Variants in RBFOX1 observed in about 807,000 individuals in gnomAD.
RBFOX1 encodes RNA binding protein fox-1 homolog 1.
RBFOX1 carries 8 observed loss-of-function variants against 57.7 expected under a neutral mutation model. That is an observed-to-expected ratio of 0.14 (90% CI 0.08 to 0.25). RBFOX1 has a LOEUF of 0.25. Among genes scored for constraint, RBFOX1 ranks in the 10% least tolerant of loss-of-function variants. RBFOX1 has a pLI of 1.00. For missense variants in RBFOX1, 611 were observed against 548.5 expected (o/e 1.11, Z -1.14); for synonymous variants, 326 against 222.4 (o/e 1.47, Z -4.15).
chr16:6,672,660 T>C (rs1016653486), intron 3 of RBFOX1, among the ~76,000 whole-genome samples: 4 of 152,152 alleles, frequency 2.6e-5, no homozygotes, highest in Non-Finnish European at 5.9e-5. Flanking sequence ...AATGATTCCA[T>C]AGGAAACCTC....
chr16:6,520,003 G>C (rs1024141131), intron 2 of RBFOX1, among the ~76,000 whole-genome samples: 1 of 152,102 alleles, frequency 6.6e-6, no homozygotes, highest in African/African-American at 2.4e-5. Context: ...TCCTTCCTGG[G>C]AGAGACACAA....
At chr16:6,592,990 C>G (rs1473710379) in intron 2 of RBFOX1, among the ~76,000 whole-genome samples, 1 of 152,040 alleles carries the variant, frequency 6.6e-6, no homozygotes, top group African/African-American at 2.4e-5. Context: ...GTCAGGAGTT[C>G]ACGACTAGCC....
chr16:7,613,493 C>T (rs947285483), intron 10 of RBFOX1, among the ~76,000 whole-genome samples: 1 of 152,174 alleles, frequency 6.6e-6, no homozygotes, highest in African/African-American at 2.4e-5. Context: ...GATCACATGA[C>T]TTGATGCTGG....
chr16:6,396,899 A>G (rs1418697037), intron 2 of RBFOX1, among the ~76,000 whole-genome samples: 1 of 152,216 alleles, frequency 6.6e-6, no homozygotes, highest in Non-Finnish European at 1.5e-5. Flanking sequence ...AAAATTTTAG[A>G]ATTACAAATA....
intron 1 of RBFOX1, among the ~76,000 whole-genome samples, chr16:5,249,530 G>C (rs1356116431): frequency 6.6e-6 from 1 of 152,250 alleles, no homozygotes; most frequent in Non-Finnish European, 1.5e-5. Flanking sequence ...CCTGATGTGG[G>C]GGTAAGCCCC....
chr16:5,463,040 G>GA (rs1245274686), intron 1 of RBFOX1, among the ~76,000 whole-genome samples: 1 of 152,188 alleles, frequency 6.6e-6, no homozygotes, highest in Non-Finnish European at 1.5e-5. Flanking sequence ...TTTAAAAAAT[G>GA]AAAGTATTTT....
intron 3 of RBFOX1, among the ~76,000 whole-genome samples, chr16:6,898,597 A>G (rs1328451799): frequency 6.6e-6 from 1 of 152,172 alleles, no homozygotes; most frequent in Non-Finnish European, 1.5e-5. Context: ...CCGTGGGAGT[A>G]ACATAAAAGG....
chr16:6,863,997 T>G (rs2059475022), intron 3 of RBFOX1, among the ~76,000 whole-genome samples: 1 of 151,066 alleles, frequency 6.6e-6, no homozygotes, highest in African/African-American at 2.4e-5. Flanking sequence ...TCCTTTTTTT[T>G]TTTTTTTGTT....
chr16:7,710,343 A>C (rs1309812211), intron 15 of RBFOX1: 10 of 1,262,572 alleles, frequency 7.9e-6, no homozygotes, highest in Non-Finnish European at 9.9e-6. Context: ...AAAATGAGAC[A>C]GTGAAAATCC....
chr16:7,214,001 G>C (rs1237125525), intron 4 of RBFOX1, among the ~76,000 whole-genome samples: 1 of 152,014 alleles, frequency 6.6e-6, no homozygotes, highest in Non-Finnish European at 1.5e-5. Flanking sequence ...TCCTGATGGA[G>C]CAGGTGGGAA....
At chr16:7,292,972 C>G (rs578013206) in intron 4 of RBFOX1, among the ~76,000 whole-genome samples, 17 of 152,190 alleles carry the variant, frequency 1.1e-4, no homozygotes, top group East Asian at 5.8e-4. Context: ...AATTTGTTCT[C>G]TGGCTCTCAA....
At chr16:5,452,732 C>T (rs572608013) in intron 1 of RBFOX1, among the ~76,000 whole-genome samples, 4 of 152,058 alleles carry the variant, frequency 2.6e-5, no homozygotes, top group African/African-American at 9.6e-5. Flanking sequence ...CAACCTCCGC[C>T]TCCTAGGTTC....
chr16:7,449,966 C>T (rs556854540), intron 4 of RBFOX1, among the ~76,000 whole-genome samples: 1 of 151,830 alleles, frequency 6.6e-6, no homozygotes, highest in Non-Finnish European at 1.5e-5. Flanking sequence ...AGAAGGATGG[C>T]GAAACATCAG....
intron 2 of RBFOX1, among the ~76,000 whole-genome samples, chr16:6,561,484 C>G (rs1316473271): frequency 6.6e-6 from 1 of 152,236 alleles, no homozygotes; most frequent in African/African-American, 2.4e-5. Context: ...TGTTGTTAGT[C>G]TATCAGGCTG....
chr16:6,673,734 G>A (rs2098782790), intron 3 of RBFOX1, among the ~76,000 whole-genome samples: 1 of 152,190 alleles, frequency 6.6e-6, no homozygotes, highest in Non-Finnish European at 1.5e-5. Context: ...TATGGACAAA[G>A]GCAAGGACAG....
At chr16:7,551,098 A>AG (rs1305215290) in intron 5 of RBFOX1, among the ~76,000 whole-genome samples, 22 of 151,386 alleles carry the variant, frequency 1.5e-4, no homozygotes, top group African/African-American at 5.1e-4. Context: ...CAAAAAAAAA[A>AG]AAAAAAAGAA....
At chr16:5,326,786 A>C (rs1289907531) in intron 1 of RBFOX1, among the ~76,000 whole-genome samples, 1 of 152,226 alleles carries the variant, frequency 6.6e-6, no homozygotes, top group Non-Finnish European at 1.5e-5. Flanking sequence ...ACATATCAGA[A>C]AGCCTTCTGC....
At chr16:7,666,471 G>C (rs543259525) in intron 13 of RBFOX1, among the ~76,000 whole-genome samples, 5 of 152,238 alleles carry the variant, frequency 3.3e-5, no homozygotes, top group Non-Finnish European at 5.9e-5. Flanking sequence ...TCACGCCTCA[G>C]TTTCTTCAAA....
chr16:6,848,250 C>G (rs1027412461), intron 3 of RBFOX1, among the ~76,000 whole-genome samples: 1 of 152,096 alleles, frequency 6.6e-6, no homozygotes, highest in Non-Finnish European at 1.5e-5. Flanking sequence ...CAAAGGGAGT[C>G]ACTTCACAGC....
Sources: gnomAD v4.1 joint callset for allele counts (sites outside exome capture counted in the v4.1 genomes callset) on GRCh38, gnomAD v4.1.1 for gene constraint, MANE v1.5 for transcripts, NCBI Gene and HGNC (gene_info 2026-07-23, HGNC 2026-07-21) for gene names.